HM13: variants seen among roughly 807,000 people sequenced by gnomAD.
HM13 encodes signal peptide peptidase.
A neutral mutation model predicts 50.0 loss-of-function variants in HM13; 18 were observed. That is an observed-to-expected ratio of 0.36 (90% CI 0.25 to 0.53). The LOEUF (loss-of-function observed/expected upper bound fraction) is 0.53. Ranked by LOEUF, HM13 falls within the 20% of genes least tolerant of loss-of-function variation. The probability of loss-of-function intolerance (pLI) is 0.90; values close to 1 mark genes in which losing one functional copy is unlikely to be tolerated. For missense variants in HM13, 393 were observed against 552.4 expected (o/e 0.71, Z 2.89); for synonymous variants, 197 against 232.6 (o/e 0.85, Z 1.39).
At chr20:31,517,980 A>G (rs1025142028) in intron 1 of HM13, among the ~76,000 whole-genome samples, 4 of 151,966 alleles carry the variant, frequency 2.6e-5, no homozygotes, top group Non-Finnish European at 5.9e-5. Context: ...GTATATAGAC[A>G]TGTAAATTTA....
In HM13 at chr20:31,556,286, C is replaced by T. The variant is rs547526541; in HGVS notation, c.808+1457C>T. Among the ~76,000 whole-genome samples, 64 of 152,144 alleles carry T rather than the reference C, an allele frequency of 4.2e-4. 1 individual carries two copies. Among genetic ancestry groups the T allele is most frequent in the Non-Finnish European group, 7.6e-4 (52 of 68,000 alleles). ...CTCCCGACCTCAGGTGATCCACCTA[C>T]CTCGGCCCCCACAAAGTGCTGAGAT... On this transcript the variant is annotated intron_variant, in intron 8 of 12. Coordinates refer to ENST00000398174, the MANE Select transcript of HM13 (RefSeq NM_178581.3).
At chr20:31,541,599 A>G (rs567508705) in intron 3 of HM13, 2 of 152,354 alleles carry the variant, frequency 1.3e-5, no homozygotes, top group Admixed American at 1.3e-4. Context: ...AAACTGTCAG[A>G]TGAAGGAAAT....
chr20:31,529,990 A>T (rs1446844315), intron 2 of HM13, among the ~76,000 whole-genome samples: 1 of 151,666 alleles, frequency 6.6e-6, no homozygotes, highest in African/African-American at 2.4e-5. Flanking sequence ...AGTATCAATT[A>T]AAAAAAATAT....
At chr20:31,529,599 C>G (rs1982693237) in intron 2 of HM13, among the ~76,000 whole-genome samples, 2 of 152,144 alleles carry the variant, frequency 1.3e-5, no homozygotes, top group South Asian at 4.1e-4. Context: ...TTGAAAATTC[C>G]TCAAGGATGT....
intron 7 of HM13, among the ~76,000 whole-genome samples, chr20:31,552,760 G>C (rs1465422739): frequency 1.3e-5 from 2 of 152,146 alleles, no homozygotes; most frequent in East Asian, 3.9e-4. Context: ...TACCAGGATT[G>C]AGAGAGAAAA....
rs572704900 is a variant in HM13, at chr20:31,532,223, G to A, written c.282+4641G>A. ...GGGTGTATCACGAGGTCAGGAGATC[G>A]AGACCATCCTGGCCAACATGGTGAA... On this transcript the variant is annotated intron_variant, in intron 2 of 12. Coordinates refer to ENST00000398174, the MANE Select transcript of HM13 (RefSeq NM_178581.3). Among the ~76,000 whole-genome samples, 10 of 151,964 alleles carry A rather than the reference G, an allele frequency of 6.6e-5. No individual in the cohort carries two copies. In the South Asian group the frequency reaches 1.9e-3, roughly 28 times the overall value.
chr20:31,557,018 CA>C (rs11479053), intron 8 of HM13, among the ~76,000 whole-genome samples: 37,558 of 100,308 alleles, frequency 0.37, 7,879 homozygotes, highest in African/African-American at 0.67. Flanking sequence ...GACTCCATCT[CA>C]AAAAAAAAAA....
chr20:31,550,795 G>A (rs985935119), intron 7 of HM13, among the ~76,000 whole-genome samples: 2 of 152,122 alleles, frequency 1.3e-5, no homozygotes, highest in South Asian at 2.1e-4. Context: ...CTGGGTAACA[G>A]CAAGACCCTA....
chr20:31,552,062 C>T (rs1984062378), intron 7 of HM13, among the ~76,000 whole-genome samples: 1 of 151,976 alleles, frequency 6.6e-6, no homozygotes, highest in South Asian at 2.1e-4. Context: ...CCCCGAGAAC[C>T]AAGTGTACAC....
chr20:31,532,973 T>G (rs753729755), intron 2 of HM13, among the ~76,000 whole-genome samples: 10 of 152,244 alleles, frequency 6.6e-5, no homozygotes, highest in Admixed American at 1.3e-4. Context: ...AGCCTCAGTC[T>G]GCCTCGTGCC....
intron 3 of HM13, chr20:31,540,014 G>T (rs955171476): frequency 1.4e-4 from 22 of 152,358 alleles, no homozygotes; most frequent in African/African-American, 5.1e-4. Context: ...TGTGGGGAGG[G>T]TCTAGTGAGC....
intron 7 of HM13, among the ~76,000 whole-genome samples, chr20:31,553,262 C>A (rs1984125651): frequency 6.8e-6 from 1 of 147,854 alleles, no homozygotes; most frequent in Non-Finnish European, 1.5e-5. Context: ...CGCCACTGGA[C>A]TCCAGCCTGG....
intron 2 of HM13, among the ~76,000 whole-genome samples, chr20:31,536,756 C>T (rs1022385379): frequency 6.6e-6 from 1 of 152,208 alleles, no homozygotes; most frequent in East Asian, 1.9e-4. Flanking sequence ...CTGCTCCCTT[C>T]GTTTATGACG....
At position 31,514,831 on chromosome 20, in the gene HM13, C is replaced by G; in HGVS notation, c.183+97C>G. On this transcript the variant is annotated intron_variant, in intron 1 of 12. Transcript: ENST00000398174. This position sits in a 1 kb window ranked among gnomAD's most constrained non-coding sequence, Gnocchi z 4.3. The stretch of plus-strand genomic sequence containing the variant: ...CGGGACAGACACCTCTCCCCGGACA[C>G]TGACTCTTCCCAGCCCTGATCACCA... 1 of 1,165,682 alleles carries G rather than the reference C, an allele frequency of 8.6e-7. No homozygotes were observed. The highest frequency in any genetic ancestry group is 1.6e-5 in the African/African-American group (1 of 63,282). The allele number at this position is 1,165,682 out of a possible 1,614,324, so 72.2% of individuals were successfully genotyped here.
chr20:31,547,438 G>T (rs1600650814), intron 4 of HM13: 1 of 530,494 alleles, frequency 1.9e-6, no homozygotes, highest in Non-Finnish European at 3.4e-6. Context: ...CCTTCCTGCA[G>T]GGGACTCCAC....
At chr20:31,561,947 G>C (rs1984641248) in intron 10 of HM13, among the ~76,000 whole-genome samples, 1 of 152,236 alleles carries the variant, frequency 6.6e-6, no homozygotes, top group Admixed American at 6.5e-5. Context: ...AGGCAAGAAG[G>C]AGGGAAAAGC....
In HM13 at chr20:31,548,118, G is replaced by C. The variant is rs143404436; in HGVS notation, c.455-911G>C. The stretch of plus-strand genomic sequence containing the variant: ...TTGTGTCGTATGTGTGTTTGTGTCT[G>C]TGTGTGACAGCGTGAATACAATGCC... On this transcript the variant is annotated intron_variant, in intron 4 of 12. Transcript: ENST00000398174. 7.9e-6 allele frequency: 8 copies of C among 1,017,508 alleles called. No individual in the cohort carries two copies. The East Asian group carries it at 1.4e-4, about 18-fold the overall frequency. 63.0% of individuals were successfully genotyped at this position (1,017,508 alleles called of 1,614,324 possible).
At chr20:31,560,442 CCA>C (rs1357284213) in intron 9 of HM13, among the ~76,000 whole-genome samples, 2 of 152,234 alleles carry the variant, frequency 1.3e-5, no homozygotes, top group Admixed American at 6.5e-5. Flanking sequence ...TCATTGAAAT[CCA>C]GTTTCCATGT....
At chr20:31,559,522 C>T (rs766315597) in intron 8 of HM13, 89 bp from the exon 9 acceptor site, 259 of 1,274,418 alleles carry the variant, frequency 2.0e-4, no homozygotes, top group Non-Finnish European at 2.6e-4. Context: ...CAAGATGGAA[C>T]ACCAGGTTGG....
Sources: gnomAD v4.1 joint callset for allele counts (sites outside exome capture counted in the v4.1 genomes callset) on GRCh38, gnomAD v4.1.1 for gene constraint, Gnocchi (gnomAD v3.1) non-coding constraint, MANE v1.5 for transcripts, NCBI Gene and HGNC (gene_info 2026-07-23, HGNC 2026-07-21) for gene names.